TUBGCP3: variants seen among roughly 807,000 people sequenced by gnomAD.
The protein encoded by TUBGCP3 is gamma-tubulin complex component 3.
TUBGCP3 carries 50 observed loss-of-function variants against 123.1 expected under a neutral mutation model. That is an observed-to-expected ratio of 0.41 (90% CI 0.32 to 0.51). The LOEUF (loss-of-function observed/expected upper bound fraction) is 0.51. Ranked by LOEUF, TUBGCP3 falls within the 20% of genes least tolerant of loss-of-function variation. The pLI, the probability that TUBGCP3 is intolerant of heterozygous loss-of-function variation, is 0.36. For synonymous variants in TUBGCP3, 405 were observed against 413.9 expected (o/e 0.98, Z 0.26); for missense variants, 882 against 1,127.0 (o/e 0.78, Z 3.11).
At chr13:112,514,252 G>A (rs577259317) in intron 17 of TUBGCP3, among the ~76,000 whole-genome samples, 39 of 134,110 alleles carry the variant, frequency 2.9e-4, no homozygotes, top group Admixed American at 9.4e-4. Flanking sequence ...AGCAGTATAC[G>A]TAAGGTTTGA....
rs1305435887 is a variant in TUBGCP3 at position 112,545,588 on chromosome 13, G to A, written c.1335+111C>T. 7.9e-7 allele frequency: 1 copy of A among 1,269,304 alleles called. No homozygotes were observed. The highest frequency in any genetic ancestry group is 1.1e-6 in the Non-Finnish European group (1 of 890,530). 78.6% of individuals were successfully genotyped at this position (1,269,304 alleles called of 1,614,324 possible). A position where few individuals can be genotyped will look rare whatever the true frequency, so the allele number is the denominator to read the frequency against. On this transcript the variant is annotated intron_variant, in intron 11 of 21. Transcript: ENST00000261965. This position sits in a 1 kb window ranked among gnomAD's most constrained non-coding sequence, Gnocchi z 4.1. ...GTATATGGTATTCAATGGAAGTGCAGTTGCATTCCTGTTAGGAGAACATGG... is the reference window on the plus strand; with the variant it reads ...GTATATGGTATTCAATGGAAGTGCAATTGCATTCCTGTTAGGAGAACATGG...
At chr13:112,532,871 G>A (rs564897255) in intron 11 of TUBGCP3, among the ~76,000 whole-genome samples, 2 of 152,304 alleles carry the variant, frequency 1.3e-5, no homozygotes, top group East Asian at 3.9e-4. Flanking sequence ...TAGCACTAGT[G>A]GGCTAAAGGT....
chr13:112,498,319 G>A (rs371075729), intron 20 of TUBGCP3, among the ~76,000 whole-genome samples: 6 of 152,218 alleles, frequency 3.9e-5, no homozygotes, highest in South Asian at 2.1e-4. Flanking sequence ...TATACATAAC[G>A]AGGTATCTCG....
chr13:112,574,832 G>A (rs1026604581), intron 1 of TUBGCP3, among the ~76,000 whole-genome samples: 21 of 152,204 alleles, frequency 1.4e-4, no homozygotes, highest in Non-Finnish European at 1.0e-4. Context: ...TCTGTTTGCT[G>A]TTTACTGCAC....
rs1328656566 is a variant in TUBGCP3 at position 112,522,410 on chromosome 13, T to C, written c.1655A>G (p.Lys552Arg). The C allele has an allele frequency of 1.2e-6, 2 of 1,614,080 alleles. No individual in the cohort carries two copies. The highest frequency in any genetic ancestry group is 1.7e-5 in the Admixed American group (1 of 60,002). The change falls in exon 14 of 22, where the codon AAG (lysine) becomes AGG (arginine). Residue 552 changes from lysine (K) to arginine (R), a missense_variant. By Grantham distance (26) the Lys-to-Arg change is conservative (BLOSUM62 2). This residue lies in a region of TUBGCP3 where 713 missense variants were observed against 874.0 expected (regional missense o/e 0.82). Transcript: ENST00000261965. Reference protein sequence around the residue: ...SKYLLDVLNKKYSLLDHMQAM... With the variant: ...SKYLLDVLNKRYSLLDHMQAM... ...CTGCATGTGGTCCAGCAAGCTGTAC[T>C]TTTTATTGAGAACATCCAACAGGTA... is the stretch of plus-strand genomic sequence containing the variant.
chr13:112,516,078 A>G (rs1369810907), intron 17 of TUBGCP3, among the ~76,000 whole-genome samples: 1 of 152,218 alleles, frequency 6.6e-6, no homozygotes, highest in Non-Finnish European at 1.5e-5. Flanking sequence ...GATACCTAAG[A>G]ATTTTTACTA....
intron 1 of TUBGCP3, among the ~76,000 whole-genome samples, chr13:112,574,378 G>T (rs905809910): frequency 1.2e-4 from 17 of 147,480 alleles, no homozygotes; most frequent in African/African-American, 4.3e-4. Flanking sequence ...TCTGAGCTCA[G>T]TGTGGCTTCC....
At chr13:112,579,631 C>T (rs1329440314) in intron 1 of TUBGCP3, among the ~76,000 whole-genome samples, 1 of 151,036 alleles carries the variant, frequency 6.6e-6, no homozygotes, top group Non-Finnish European at 1.5e-5. Context: ...TGGAGCTCTC[C>T]CACACTGCTG....
the TUBGCP3 span, among the ~76,000 whole-genome samples, chr13:112,597,115 A>T: frequency 1.3e-5 from 2 of 152,346 alleles, no homozygotes; most frequent in East Asian, 3.9e-4. Flanking sequence ...CTGATCTTAC[A>T]AAAACAAAAA....
At chr13:112,582,221 G>T (rs1293391588) in intron 1 of TUBGCP3, among the ~76,000 whole-genome samples, 1 of 152,166 alleles carries the variant, frequency 6.6e-6, no homozygotes, top group Admixed American at 6.5e-5. Context: ...CCAAAATACT[G>T]TTCAGTGTTT....
At chr13:112,489,882 A>T in intron 20 of TUBGCP3, 185 bp from the exon 21 acceptor site, 1 of 582,878 alleles carries the variant, frequency 1.7e-6, no homozygotes, top group South Asian at 2.3e-5. Context: ...TCCAGTTAAC[A>T]ATGTGTGTTG....
intron 16 of TUBGCP3, among the ~76,000 whole-genome samples, chr13:112,517,254 G>A (rs1470039594): frequency 6.6e-6 from 1 of 152,142 alleles, no homozygotes; most frequent in Non-Finnish European, 1.5e-5. Context: ...CTGGCCTCGA[G>A]TGATAGATTT....
chr13:112,527,934 G>C (rs1386415036), intron 11 of TUBGCP3, among the ~76,000 whole-genome samples: 1 of 152,232 alleles, frequency 6.6e-6, no homozygotes, highest in African/African-American at 2.4e-5. Flanking sequence ...GGCGTCCTCT[G>C]TTCACAGACA....
At position 112,523,164 on chromosome 13, in the gene TUBGCP3, T is replaced by C. The variant is rs77263980; in HGVS notation, c.1556-655A>G. ...AGCACAAAACCATTTTTAAAACTTA[T>C]ATGAATACTTCATTTCATTAAACCC... On this transcript the variant is annotated intron_variant, in intron 13 of 21. Coordinates refer to ENST00000261965, the MANE Select transcript of TUBGCP3 (RefSeq NM_006322.6). Among the ~76,000 whole-genome samples the C allele has an allele frequency of 5.9e-3, 898 of 152,346 alleles. 9 individuals carry two copies. Among genetic ancestry groups the C allele is most frequent in the African/African-American group, 0.021 (861 of 41,576 alleles).
At chr13:112,553,683 G>T (rs529012226) in intron 8 of TUBGCP3, among the ~76,000 whole-genome samples, 1 of 152,334 alleles carries the variant, frequency 6.6e-6, no homozygotes, top group South Asian at 2.1e-4. Flanking sequence ...GCAGCTGGGA[G>T]TGTCCCCTGT....
At chr13:112,551,993 AG>A (rs34583553) in intron 8 of TUBGCP3, among the ~76,000 whole-genome samples, 1 of 152,178 alleles carries the variant, frequency 6.6e-6, no homozygotes, top group African/African-American at 2.4e-5. Flanking sequence ...GGTTCACAAC[AG>A]GGATCACACT....
rs1056492989 is a variant in TUBGCP3, at chr13:112,489,828, T to C, written c.2449-131A>G. 12 of 660,702 alleles carry C rather than the reference T, an allele frequency of 1.8e-5. 1 individual carries two copies. In the South Asian group the frequency reaches 2.1e-4, roughly 11 times the overall value. The allele number at this position is 660,702 out of a possible 1,614,324, so 40.9% of individuals were successfully genotyped here. A position where few individuals can be genotyped will look rare whatever the true frequency, so the allele number is the denominator to read the frequency against. On this transcript the variant is annotated intron_variant, in intron 20 of 21. Coordinates refer to ENST00000261965, the MANE Select transcript of TUBGCP3 (RefSeq NM_006322.6). ...TGCCTCTCTGTACTGTTCAACACTT[T>C]CACAATAATTTTCTGATGCCAGACT...
intron 14 of TUBGCP3, 77 bp downstream of exon 14, chr13:112,522,243 A>G: frequency 8.2e-7 from 1 of 1,213,994 alleles, no homozygotes; most frequent in Non-Finnish European, 1.1e-6. Flanking sequence ...TTTTAATATA[A>G]TTTATTCTTT....
At chr13:112,584,282 CCA>C (rs1206672083) in intron 1 of TUBGCP3, 1 of 152,178 alleles carries the variant, frequency 6.6e-6, no homozygotes, top group African/African-American at 2.4e-5. Flanking sequence ...TTATATCTAT[CCA>C]CAGTTACCAT....
Sources: allele counts gnomAD v4.1 joint callset (sites outside exome capture counted in the v4.1 genomes callset), GRCh38; gene constraint gnomAD v4.1.1; regional missense constraint gnomAD v4.1.1; non-coding constraint Gnocchi (gnomAD v3.1); transcripts MANE v1.5; gene names NCBI Gene and HGNC (gene_info 2026-07-23, HGNC 2026-07-21).